The following PACRG variants were observed in gnomAD, a reference collection of about 807,000 sequenced individuals.
The protein encoded by PACRG is parkin coregulated gene protein.
In PACRG, 29 loss-of-function variants were observed where a neutral mutation model predicts 29.7. The observed-to-expected ratio is 0.98, with a 90% CI of 0.73 to 1.33. The LOEUF is 1.33. Ranked by LOEUF, PACRG falls within the 40% of genes most tolerant of loss-of-function variation. The pLI is 0.00. For synonymous variants in PACRG, 116 were observed against 118.7 expected, an observed-to-expected ratio of 0.98 and a Z score of 0.15; for missense variants, 279 against 316.2, an observed-to-expected ratio of 0.88 and a Z score of 0.89.
intron 4 of PACRG, among the ~76,000 whole-genome samples, chr6:163,118,628 A>G (rs1237137231): frequency 1.3e-5 from 2 of 152,212 alleles, no homozygotes; most frequent in Admixed American, 6.5e-5. Context: ...AGAGAGTGTC[A>G]TATTTATTTT....
chr6:162,919,169 A>ATT (rs1796895467), intron 2 of PACRG, among the ~76,000 whole-genome samples: 3 of 152,138 alleles, frequency 2.0e-5, no homozygotes, highest in Non-Finnish European at 2.9e-5. Context: ...CATATTTTAG[A>ATT]CGAAGAACAT....
At position 162,858,229 on chromosome 6, in the gene PACRG, T is replaced by G. The variant is rs970395503; in HGVS notation, c.291+43948T>G. 3.3e-5 allele frequency among the ~76,000 whole-genome samples: 5 copies of G among 152,280 alleles called. No individual in the cohort carries two copies. The East Asian group carries it at 9.7e-4, about 29-fold the overall frequency. Reference sequence around the variant, plus strand: ...CATGGCGGGGGAGGCCTCAGGAAACTTAACAATCACGGTGGAAGGCAAAGG... The same window carrying G: ...CATGGCGGGGGAGGCCTCAGGAAACGTAACAATCACGGTGGAAGGCAAAGG... On this transcript the variant is annotated intron_variant, in intron 2 of 4. Coordinates refer to ENST00000366888, the MANE Select transcript of PACRG (RefSeq NM_001080379.2).
intron 4 of PACRG, among the ~76,000 whole-genome samples, chr6:163,119,977 G>T (rs2128324067): frequency 6.6e-6 from 1 of 152,210 alleles, no homozygotes; most frequent in South Asian, 2.1e-4. Context: ...TCTGGTGTCG[G>T]TTCAGCCTCT....
At chr6:163,303,922 A>T (rs1306869995) in intron 4 of PACRG, among the ~76,000 whole-genome samples, 1 of 150,242 alleles carries the variant, frequency 6.7e-6, no homozygotes, top group East Asian at 2.0e-4. Context: ...AGGCTGAGGC[A>T]GGAGAATCAC....
At chr6:163,257,496 G>A (rs1352921918) in intron 4 of PACRG, among the ~76,000 whole-genome samples, 2 of 152,198 alleles carry the variant, frequency 1.3e-5, no homozygotes, top group Non-Finnish European at 2.9e-5. Flanking sequence ...TGATCCCTTA[G>A]TCAGTTCCAC....
chr6:162,987,153 A>C (rs1335825642), intron 2 of PACRG, among the ~76,000 whole-genome samples: 1 of 152,112 alleles, frequency 6.6e-6, no homozygotes, highest in Non-Finnish European at 1.5e-5. Context: ...AGACTACTTC[A>C]GTGGAAAAAT....
At chr6:163,225,125 C>A (rs1165061403) in intron 4 of PACRG, among the ~76,000 whole-genome samples, 3 of 152,186 alleles carry the variant, frequency 2.0e-5, no homozygotes, top group Non-Finnish European at 4.4e-5. Context: ...CAAGGAGATG[C>A]AAATTAAAAC....
chr6:163,137,995 C>T (rs1273415392), intron 4 of PACRG, among the ~76,000 whole-genome samples: 1 of 152,184 alleles, frequency 6.6e-6, no homozygotes, highest in Non-Finnish European at 1.5e-5. Flanking sequence ...GTCTCCTCTA[C>T]CTGAGCCTCA....
rs12665063 is a variant in PACRG at position 162,853,274 on chromosome 6, A to G, written c.291+38993A>G. Reference sequence around the variant, plus strand: ...TTGTATGCCAAAGCTTTGTGTACCCAGTATAAAAATCTCTGCTCCAGAATG... The same window carrying G: ...TTGTATGCCAAAGCTTTGTGTACCCGGTATAAAAATCTCTGCTCCAGAATG... On this transcript the variant is annotated intron_variant, in intron 2 of 4. Transcript: ENST00000366888. The surrounding 1 kb of genome is among the most constrained non-coding windows in gnomAD (Gnocchi z 4.7). Among the ~76,000 whole-genome samples, 7,622 of 152,292 alleles carry G rather than the reference A, an allele frequency of 0.05. 269 individuals are homozygous for G. Among genetic ancestry groups the G allele is most frequent in the Middle Eastern group, 0.14 (42 of 294 alleles).
At chr6:162,955,822 C>T (rs978104133) in intron 2 of PACRG, among the ~76,000 whole-genome samples, 1 of 152,158 alleles carries the variant, frequency 6.6e-6, no homozygotes, top group Non-Finnish European at 1.5e-5. Context: ...GGGGCCCAGC[C>T]TGAATCACAC....
intron 2 of PACRG, among the ~76,000 whole-genome samples, chr6:163,017,792 A>G (rs981135687): frequency 1.6e-4 from 25 of 152,220 alleles, no homozygotes; most frequent in Non-Finnish European, 2.9e-4. Context: ...TACATTTTAC[A>G]TTTTTACATT....
intron 4 of PACRG, among the ~76,000 whole-genome samples, chr6:163,101,713 G>T (rs574783856): frequency 1.3e-5 from 2 of 152,050 alleles, no homozygotes; most frequent in Non-Finnish European, 2.9e-5. Flanking sequence ...ACCTTTCTTC[G>T]TGTACCTGCT....
intron 1 of PACRG, among the ~76,000 whole-genome samples, chr6:162,759,689 T>C (rs1782195722): frequency 6.6e-6 from 1 of 152,148 alleles, no homozygotes; most frequent in South Asian, 2.1e-4. Context: ...AGGTGGTCGA[T>C]CTGCTAAGGA....
At chr6:162,728,793 A>G (rs1412527902) in intron 1 of PACRG, among the ~76,000 whole-genome samples, 5 of 152,206 alleles carry the variant, frequency 3.3e-5, no homozygotes, top group Non-Finnish European at 7.3e-5. Context: ...GCTGATATAC[A>G]ACCGGGAACA....
At chr6:163,268,765 G>T (rs1001327347) in intron 4 of PACRG, among the ~76,000 whole-genome samples, 4 of 152,158 alleles carry the variant, frequency 2.6e-5, no homozygotes, top group Non-Finnish European at 5.9e-5. Flanking sequence ...TGAAAAGTAG[G>T]AAATTCAATT....
chr6:163,252,172 A>G (rs1351750930), intron 4 of PACRG, among the ~76,000 whole-genome samples: 1 of 152,196 alleles, frequency 6.6e-6, no homozygotes, highest in Non-Finnish European at 1.5e-5. Context: ...CATCTCACAG[A>G]GGAGGAAGCA....
intron 2 of PACRG, among the ~76,000 whole-genome samples, chr6:162,918,603 G>T (rs1796857313): frequency 6.6e-6 from 1 of 152,066 alleles, no homozygotes; most frequent in Non-Finnish European, 1.5e-5. Context: ...CGTGTTTCTA[G>T]GTATGATAAT....
intron 4 of PACRG, among the ~76,000 whole-genome samples, chr6:163,153,146 G>A (rs1778168769): frequency 6.6e-6 from 1 of 152,056 alleles, no homozygotes; most frequent in Admixed American, 6.5e-5. Context: ...GTAATGGTTG[G>A]TTTTAAAAAA....
intron 4 of PACRG, among the ~76,000 whole-genome samples, chr6:163,153,626 G>A (rs1020925105): frequency 3.9e-5 from 6 of 152,148 alleles, no homozygotes; most frequent in African/African-American, 1.2e-4. Context: ...TGATACAAGC[G>A]AATTGGATGG....
Sources: gnomAD v4.1 joint callset for allele counts (sites outside exome capture counted in the v4.1 genomes callset) on GRCh38, gnomAD v4.1.1 for gene constraint, Gnocchi (gnomAD v3.1) non-coding constraint, MANE v1.5 for transcripts, NCBI Gene and HGNC (gene_info 2026-07-23, HGNC 2026-07-21) for gene names.